Variants in TBX19 observed in about 807,000 individuals in gnomAD.
The protein encoded by TBX19 is T-box transcription factor 19.
Under a neutral mutation model 40.9 loss-of-function variants are expected in TBX19, and 33 were observed. That is an observed-to-expected ratio of 0.81 (90% CI 0.61 to 1.08). The LOEUF (loss-of-function observed/expected upper bound fraction) is 1.08. TBX19 is among the 50% of genes least tolerant of loss of function. The pLI is 0.00. For missense variants in TBX19, 494 were observed against 574.0 expected, an observed-to-expected ratio of 0.86 and a Z score of 1.42; for synonymous variants, 220 against 225.0, an observed-to-expected ratio of 0.98 and a Z score of 0.20.
Position 168,313,329 on chromosome 1 carries a change from T to G in TBX19, c.*327T>G. ...TCGTTCTGGAAAGCCTCACTTCCTT[T>G]TCTGTGGAGAAGGTGCAAAGCTGTT... On this transcript the variant is annotated 3_prime_UTR_variant, in exon 8 of 8. Coordinates refer to ENST00000367821, the MANE Select transcript of TBX19 (RefSeq NM_005149.3). 2.5e-6 allele frequency: 1 copy of G among 400,620 alleles called. No individual in the cohort carries two copies. 24.8% of individuals were successfully genotyped at this position (400,620 alleles called of 1,614,324 possible).
At chr1:168,285,472 A>G (rs928282894) in intron 1 of TBX19, among the ~76,000 whole-genome samples, 13 of 152,166 alleles carry the variant, frequency 8.5e-5, no homozygotes, top group Non-Finnish European at 7.4e-5. Flanking sequence ...CTCACTTCTC[A>G]TAGCCTCCTC....
intron 4 of TBX19, 130 bp downstream of exon 4, chr1:168,297,915 G>A (rs116692676): frequency 1.9e-5 from 16 of 841,008 alleles, no homozygotes; most frequent in East Asian, 1.7e-4. Context: ...ATAGGCTTTC[G>A]GCCAGGTGCG....
At chr1:168,301,923 C>T (rs1360128695) in intron 5 of TBX19, among the ~76,000 whole-genome samples, 2 of 152,198 alleles carry the variant, frequency 1.3e-5, no homozygotes, top group Non-Finnish European at 2.9e-5. Context: ...GAAGCTGCTC[C>T]TCACACTCAC....
chr1:168,281,575 G>A (rs1456834028), intron 1 of TBX19, among the ~76,000 whole-genome samples: 1 of 152,254 alleles, frequency 6.6e-6, no homozygotes, highest in African/African-American at 2.4e-5. Context: ...ATGGGAAAAT[G>A]GACTTAAATG....
rs1289577061 is a variant in TBX19 at position 168,298,889 on chromosome 1, TTCTTTCTTTCTC to T, written c.665+1108_665+1119del. Among the ~76,000 whole-genome samples the T allele has an allele frequency of 2.2e-3, 267 of 119,792 alleles. 27 individuals are homozygous for T. Among genetic ancestry groups the T allele is most frequent in the African/African-American group, 7.7e-3 (193 of 25,082 alleles). The allele number at this position is 119,792 out of a possible 152,430, so 78.6% of individuals were successfully genotyped here. A position where few individuals can be genotyped will look rare whatever the true frequency, so the allele number is the denominator to read the frequency against. Reference sequence around the variant, plus strand: ...TTTCTTTCTTTCTTTCTTTCTTTCTTTCTTTCTTTCTCTCTCTCTCTCTTTCTTTCATTCTTC... The same window carrying T: ...TTTCTTTCTTTCTTTCTTTCTTTCTTTCTCTCTCTCTTTCTTTCATTCTTC... On this transcript the variant is annotated intron_variant, in intron 4 of 7. Transcript: ENST00000367821.
chr1:168,296,416 C>G (rs748590213), intron 3 of TBX19, among the ~76,000 whole-genome samples: 1 of 152,032 alleles, frequency 6.6e-6, no homozygotes, highest in Non-Finnish European at 1.5e-5. Context: ...AGGCCTCAAT[C>G]ATGGTGGAAG....
At chr1:168,306,817 G>A (rs185762752) in intron 6 of TBX19, among the ~76,000 whole-genome samples, 18 of 152,194 alleles carry the variant, frequency 1.2e-4, no homozygotes, top group Admixed American at 3.3e-4. Context: ...ATTCATAAGC[G>A]CTCTAGAATT....
intron 4 of TBX19, 100 bp from the exon 5 acceptor site, chr1:168,300,321 CT>C: frequency 9.2e-7 from 1 of 1,087,584 alleles, no homozygotes; most frequent in Non-Finnish European, 1.4e-6. Context: ...TTTTCTTATT[CT>C]AAGAAATTGA....
At chr1:168,293,580 G>A (rs1250789317) in intron 3 of TBX19, among the ~76,000 whole-genome samples, 2 of 152,160 alleles carry the variant, frequency 1.3e-5, no homozygotes, top group African/African-American at 2.4e-5. Context: ...AGGACCCTAT[G>A]TGTCCTTGGC....
chr1:168,289,284 T>C (rs1648881226), intron 1 of TBX19, among the ~76,000 whole-genome samples: 1 of 152,208 alleles, frequency 6.6e-6, no homozygotes, highest in African/African-American at 2.4e-5. Flanking sequence ...ATTAACATAA[T>C]TGAAAACATT....
In TBX19 at chr1:168,312,727, A is replaced by G. The variant is rs200410315; in HGVS notation, c.1072A>G (p.Thr358Ala). The G allele has an allele frequency of 5.0e-6, 8 of 1,613,526 alleles. No individual in the cohort carries two copies. In the East Asian group the frequency reaches 1.6e-4, roughly 31 times the overall value. ...PGPSPYPCLW[T>A]ISNGAGGPSG... is the part of the protein sequence containing the mutation. ...CTGCAGCCCCTACCCGTGCCTGTGGACCATCAGCAATGGTGCCGGAGGCCC... is the reference window on the plus strand; with the variant it reads ...CTGCAGCCCCTACCCGTGCCTGTGGGCCATCAGCAATGGTGCCGGAGGCCC... The change falls in exon 8 of 8, where the codon ACC becomes GCC. Residue 358 changes from threonine (T) to alanine (A), a missense_variant. By Grantham distance (58) the Thr-to-Ala change is moderately conservative. Around this residue, in one of 3 missense-constraint regions of TBX19, gnomAD observed 284 missense variants for 307.3 expected, o/e 0.92. Coordinates refer to ENST00000367821, the MANE Select transcript of TBX19 (RefSeq NM_005149.3).
At position 168,281,129 on chromosome 1, in the gene TBX19, TGGCAC is replaced by T. The variant is rs1558187792; in HGVS notation, c.40_44del (p.Gly14CysfsTer11). 1.9e-6 allele frequency: 3 copies of T among 1,614,150 alleles called. No homozygotes were observed. In the Admixed American group the frequency reaches 5.0e-5, roughly 27 times the overall value. ...AGCTGGGCACTCGGAAGCCCAGCGATGGCACTGTTTCTCATCTGCTCAATGTGGTG... is the reference window on the plus strand; with the variant it reads ...AGCTGGGCACTCGGAAGCCCAGCGATTGTTTCTCATCTGCTCAATGTGGTG... On this transcript the variant is annotated frameshift_variant, in exon 1 of 8. Coordinates refer to ENST00000367821, the MANE Select transcript of TBX19 (RefSeq NM_005149.3). LOFTEE classifies it high-confidence loss of function.
chr1:168,287,631 G>A (rs980065727), intron 1 of TBX19, among the ~76,000 whole-genome samples: 1 of 152,112 alleles, frequency 6.6e-6, no homozygotes, highest in Non-Finnish European at 1.5e-5. Context: ...AAACAACAAA[G>A]ATTTATTGAC....
chr1:168,299,347 C>A (rs1649220400), intron 4 of TBX19, among the ~76,000 whole-genome samples: 1 of 152,112 alleles, frequency 6.6e-6, no homozygotes. Flanking sequence ...AGTTTCAAAT[C>A]TTTTAAATAG....
At chr1:168,288,300 G>C (rs1293416759) in intron 1 of TBX19, among the ~76,000 whole-genome samples, 2 of 151,444 alleles carry the variant, frequency 1.3e-5, no homozygotes, top group Admixed American at 6.6e-5. Flanking sequence ...ATTTTTTATT[G>C]TTGTATTATT....
In TBX19 at chr1:168,281,306, G is replaced by A. The variant is rs1039870047; in HGVS notation, c.203+13G>A. The A allele has an allele frequency of 1.1e-5, 18 of 1,613,908 alleles. No homozygotes were observed. Among genetic ancestry groups the A allele is most frequent in the Non-Finnish European group, 1.4e-5 (17 of 1,179,816 alleles). ...CCAAGAATGGCAGGTGAGTTTATCT[G>A]CCGCCCCGCGTGGGCTGGCAGGGCT... On this transcript the variant is annotated intron_variant, in intron 1 of 7. Transcript: ENST00000367821.
At chr1:168,307,365 C>T (rs775826132) in intron 6 of TBX19, among the ~76,000 whole-genome samples, 2 of 151,978 alleles carry the variant, frequency 1.3e-5, no homozygotes, top group African/African-American at 2.4e-5. Flanking sequence ...CATAACATTG[C>T]GAAAGGCATC....
intron 3 of TBX19, among the ~76,000 whole-genome samples, chr1:168,293,945 A>T (rs1375857978): frequency 6.6e-6 from 1 of 152,208 alleles, no homozygotes; most frequent in South Asian, 2.1e-4. Flanking sequence ...ATTTAAAAAC[A>T]CATAATAAAC....
intron 6 of TBX19, among the ~76,000 whole-genome samples, chr1:168,305,429 C>T (rs1341920844): frequency 6.6e-6 from 1 of 151,976 alleles, no homozygotes; most frequent in East Asian, 1.9e-4. Context: ...TCATAAAACC[C>T]CCAGTCTCCT....
Sources: allele counts gnomAD v4.1 joint callset (sites outside exome capture counted in the v4.1 genomes callset), GRCh38; gene constraint gnomAD v4.1.1; regional missense constraint gnomAD v4.1.1; transcripts MANE v1.5; gene names NCBI Gene and HGNC (gene_info 2026-07-23, HGNC 2026-07-21).